Variants in SMC1B observed in about 807,000 individuals in gnomAD.
SMC1B encodes structural maintenance of chromosomes protein 1B.
Under a neutral mutation model 157.9 loss-of-function variants are expected in SMC1B, and 60 were observed. The ratio of observed to expected loss-of-function variants is 0.38; its 90% CI spans 0.31 to 0.47. SMC1B has a LOEUF of 0.47. Ranked by LOEUF, SMC1B falls within the 20% of genes least tolerant of loss-of-function variation. SMC1B has a pLI of 0.99. For synonymous variants in SMC1B, 445 were observed against 483.0 expected, an observed-to-expected ratio of 0.92 and a Z score of 1.03; for missense variants, 1,165 against 1,426.2, an observed-to-expected ratio of 0.82 and a Z score of 2.95.
chr22:45,364,789 C>G (rs1159494316), intron 15 of SMC1B, among the ~76,000 whole-genome samples: 1 of 148,268 alleles, frequency 6.7e-6, no homozygotes, highest in African/African-American at 2.5e-5. Flanking sequence ...TTTCTCATCT[C>G]TTCGACTTGC....
In SMC1B at chr22:45,389,699, A is replaced by T. The variant is rs772938030; in HGVS notation, c.1731+13T>A. 6.2e-7 allele frequency: 1 copy of T among 1,606,738 alleles called. No individual in the cohort carries two copies. The stretch of plus-strand genomic sequence containing the variant: ...TTTATCACTATAAATACCAGGCATT[A>T]CAAAGTTCTTACATCAAGGTAATCT... On this transcript the variant is annotated intron_variant, in intron 10 of 24. Transcript: ENST00000357450.
chr22:45,395,187 T>C (rs1569194387), intron 7 of SMC1B, among the ~76,000 whole-genome samples: 1 of 152,198 alleles, frequency 6.6e-6, no homozygotes, highest in Non-Finnish European at 1.5e-5. Context: ...AAAGAACTAA[T>C]GTCTGGTAGG....
intron 10 of SMC1B, among the ~76,000 whole-genome samples, chr22:45,388,086 C>T (rs933485724): frequency 6.6e-6 from 1 of 150,942 alleles, no homozygotes; most frequent in African/African-American, 2.4e-5. Context: ...CTTAAATGAT[C>T]AGGAAAGCCT....
chr22:45,389,025 A>C lies in SMC1B; in HGVS notation c.1731+687T>G, dbSNP rs573608994. 9.2e-5 allele frequency among the ~76,000 whole-genome samples: 14 copies of C among 151,630 alleles called. No individual in the cohort carries two copies. The South Asian group carries it at 2.9e-3, about 32-fold the overall frequency. ...AAAAAGAAAAAGAAAAAAGAAAAAA[A>C]AAAGAAAAATTAAGACTATATTAAG... On this transcript the variant is annotated intron_variant, in intron 10 of 24. Transcript: ENST00000357450.
chr22:45,413,559 G>A lies in SMC1B; in HGVS notation c.9C>T (p.His3=). The change falls in exon 1 of 25, where the codon CAC becomes CAT. Residue 3 remains histidine (H), a synonymous_variant. Coordinates refer to ENST00000357450, the MANE Select transcript of SMC1B (RefSeq NM_148674.5). The stretch of plus-strand genomic sequence containing the variant: ...AATTTTCCACAAGCAGCAGCTCCAG[G>A]TGGGCCATGGCGCCGCCCTCCACGC... MA[H]LELLLVENFK... The A allele has an allele frequency of 1.2e-6, 2 of 1,606,272 alleles. No homozygotes were observed. The highest frequency in any genetic ancestry group is 1.7e-6 in the Non-Finnish European group (2 of 1,176,420).
intron 5 of SMC1B, 105 bp from the exon 6 acceptor site, chr22:45,399,458 T>A (rs1175534026): frequency 8.7e-7 from 1 of 1,148,760 alleles, no homozygotes; most frequent in Non-Finnish European, 1.2e-6. Context: ...ATCCTAAAAA[T>A]CAACTTTCAG....
chr22:45,360,583 G>A (rs766729750), intron 17 of SMC1B, among the ~76,000 whole-genome samples: 3 of 151,946 alleles, frequency 2.0e-5, no homozygotes, highest in Non-Finnish European at 2.9e-5. Flanking sequence ...AAGGCCAAGG[G>A]AATAGGATCA....
intron 20 of SMC1B, 150 bp from the exon 21 acceptor site, chr22:45,354,282 C>T: frequency 1.8e-6 from 1 of 554,802 alleles, no homozygotes; most frequent in Middle Eastern, 3.5e-4. Flanking sequence ...TTATTAATTC[C>T]AAGAAAATAG....
In SMC1B at chr22:45,413,581, ACGCCTCACCCG is replaced by A; in HGVS notation, c.-25_-15del. 1 of 1,590,116 alleles carries A rather than the reference ACGCCTCACCCG, an allele frequency of 6.3e-7. No individual in the cohort carries two copies. Among genetic ancestry groups the A allele is most frequent in the Non-Finnish European group, 8.6e-7 (1 of 1,167,744 alleles). On this transcript the variant is annotated 5_prime_UTR_variant, in exon 1 of 25. Coordinates refer to ENST00000357450, the MANE Select transcript of SMC1B (RefSeq NM_148674.5). ...CAGGTGGGCCATGGCGCCGCCCTCCACGCCTCACCCGCGTTATCAAGCGCCCGCGGAAAAAG... is the reference window on the plus strand; with the variant it reads ...CAGGTGGGCCATGGCGCCGCCCTCCACGTTATCAAGCGCCCGCGGAAAAAG...
chr22:45,373,316 T>C (rs2086853062), intron 12 of SMC1B, among the ~76,000 whole-genome samples: 1 of 152,224 alleles, frequency 6.6e-6, no homozygotes, highest in South Asian at 2.1e-4. Context: ...TCAAGATACC[T>C]TCGGTTTACA....
rs770905388 is a variant in SMC1B at position 45,359,838 on chromosome 22, C to T, written c.2829G>A (p.Leu943=). 3 of 1,613,762 alleles carry T rather than the reference C, an allele frequency of 1.9e-6. No individual in the cohort carries two copies. The highest frequency in any genetic ancestry group is 8.5e-7 in the Non-Finnish European group (1 of 1,179,820). ...CKVQDIEIIL[L]SGSLDDIIEV... is the part of the protein sequence containing the mutation. ...CAATGATGTCATCCAGTGACCCCGA[C>T]AAAAGGATTATCTCAATGTCTTGCA... Residue 943 remains leucine (L), a synonymous_variant, in exon 18 of 25, where the codon TTG becomes TTA. Transcript: ENST00000357450.
chr22:45,349,752 G>A lies in SMC1B; in HGVS notation c.3471C>T (p.Ala1157=). ...PFFVLDEVDA[A]LDNTNIGKVS... ...CTTTGCCTATGTTAGTATTGTCTAG[G>A]GCTGCATCCACTTCATCTAAAACAA... Residue 1157 remains alanine (A), a synonymous_variant, in exon 23 of 25, where the codon GCC becomes GCT. Coordinates refer to ENST00000357450, the MANE Select transcript of SMC1B (RefSeq NM_148674.5). The A allele has an allele frequency of 1.2e-6, 2 of 1,613,072 alleles. No homozygotes were observed.
intron 12 of SMC1B, among the ~76,000 whole-genome samples, chr22:45,378,829 T>C (rs2086907607): frequency 6.6e-6 from 1 of 152,238 alleles, no homozygotes; most frequent in Non-Finnish European, 1.5e-5. Flanking sequence ...TATAATCTTC[T>C]TTATTCAATT....
chr22:45,355,235 C>T (rs961204753), intron 19 of SMC1B, 120 bp from the exon 20 acceptor site: 6 of 925,648 alleles, frequency 6.5e-6, no homozygotes, highest in Admixed American at 6.3e-5. Flanking sequence ...CCTTCTCTCC[C>T]CAAAGCCCTC....
Position 45,354,146 on chromosome 22 carries a change from A to G in SMC1B, c.3119-14T>C. 1.3e-6 allele frequency: 2 copies of G among 1,523,346 alleles called. No individual in the cohort carries two copies. Among genetic ancestry groups the G allele is most frequent in the Middle Eastern group, 1.7e-4 (1 of 5,800 alleles). 94.4% of individuals were successfully genotyped at this position (1,523,346 alleles called of 1,614,324 possible). On this transcript the variant is annotated splice_polypyrimidine_tract_variant and intron_variant, in intron 20 of 24. Transcript: ENST00000357450. ...TGGCCTCAAAAGCTAAGAGAGAATC[A>G]ATGTTCTTTATTTTAGAGACCACTG...
At chr22:45,389,495 G>C (rs1370670624) in intron 10 of SMC1B, among the ~76,000 whole-genome samples, 1 of 152,198 alleles carries the variant, frequency 6.6e-6, no homozygotes, top group African/African-American at 2.4e-5. Context: ...GTAAAAACTA[G>C]ATAGGGAAGA....
At chr22:45,350,346 C>A (rs1037083115) in intron 22 of SMC1B, among the ~76,000 whole-genome samples, 2 of 151,950 alleles carry the variant, frequency 1.3e-5, no homozygotes, top group Non-Finnish European at 2.9e-5. Flanking sequence ...GGCACAATCC[C>A]GGCTCACTGC....
intron 7 of SMC1B, among the ~76,000 whole-genome samples, chr22:45,395,268 G>A (rs868506311): frequency 6.6e-6 from 1 of 152,264 alleles, no homozygotes; most frequent in South Asian, 2.1e-4. Context: ...CACCTGTAGG[G>A]CAACTAATAG....
chr22:45,402,342 T>C lies in SMC1B; in HGVS notation c.845A>G (p.Lys282Arg), dbSNP rs759196962. ...ACTTTTAAAAACTCACTTTAATTCT[T>C]TTTCTGTTTGTTGTAGTTGTCTAGT... ...MLTRQLQQTEKELKSVETLLN... is the reference protein window; with the variant it reads ...MLTRQLQQTERELKSVETLLN... Residue 282 changes from lysine (K) to arginine (R), a missense_variant, in exon 5 of 25, where the codon AAA becomes AGA. Coordinates refer to ENST00000357450, the MANE Select transcript of SMC1B (RefSeq NM_148674.5). The C allele has an allele frequency of 6.2e-6, 10 of 1,608,400 alleles. No homozygotes were observed.
Sources: allele counts gnomAD v4.1 joint callset (sites outside exome capture counted in the v4.1 genomes callset), GRCh38; gene constraint gnomAD v4.1.1; transcripts MANE v1.5; gene names NCBI Gene and HGNC (gene_info 2026-07-23, HGNC 2026-07-21).